MAP3K20: variants seen among roughly 807,000 people sequenced by gnomAD.
MAP3K20 encodes mitogen-activated protein kinase kinase kinase 20, also known as HCCS-4.
MAP3K20 carries 40 observed loss-of-function variants against 85.7 expected under a neutral mutation model. That is an observed-to-expected ratio of 0.47 (90% confidence interval 0.36 to 0.61). The LOEUF (loss-of-function observed/expected upper bound fraction) is 0.61. Ranked by LOEUF, MAP3K20 falls within the 20% of genes least tolerant of loss-of-function variation. The pLI is 0.00. For missense variants in MAP3K20, 817 were observed against 961.7 expected (o/e 0.85, Z 1.99); for synonymous variants, 325 against 327.7 (o/e 0.99, Z 0.09).
intron 17 of MAP3K20, among the ~76,000 whole-genome samples, chr2:173,260,479 T>C (rs1685262890): frequency 6.9e-6 from 1 of 144,824 alleles, no homozygotes; most frequent in South Asian, 2.2e-4. Context: ...GGCAGGAGAG[T>C]ACAGCTTATT....
In MAP3K20 at chr2:173,092,220, A is replaced by T. The variant is rs566171612; in HGVS notation, c.159+1030A>T. 1.3e-4 allele frequency among the ~76,000 whole-genome samples: 20 copies of T among 152,306 alleles called. 1 individual carries two copies. In the South Asian group the frequency reaches 4.1e-3, roughly 32 times the overall value. On this transcript the variant is annotated intron_variant, in intron 2 of 19. Coordinates refer to ENST00000375213, the MANE Select transcript of MAP3K20 (RefSeq NM_016653.3). ...GAAGCCAGGTTAGAAGGACTGAGAG[A>T]TCTCTGCCTTGGGGAATCTATAGGT...
chr2:173,186,937 G>T (rs1341887699), intron 4 of MAP3K20, among the ~76,000 whole-genome samples: 1 of 152,130 alleles, frequency 6.6e-6, no homozygotes, highest in Non-Finnish European at 1.5e-5. Flanking sequence ...CTTGTAAAAG[G>T]AATGAAATAC....
chr2:173,161,810 A>G (rs1216745727), intron 2 of MAP3K20, among the ~76,000 whole-genome samples: 1 of 152,166 alleles, frequency 6.6e-6, no homozygotes, highest in Non-Finnish European at 1.5e-5. Flanking sequence ...AACCTGAATG[A>G]ACGCTGGTTT....
At chr2:173,227,088 TTTTC>T in intron 11 of MAP3K20, 1 of 985,892 alleles carries the variant, frequency 1.0e-6, no homozygotes, top group African/African-American at 1.7e-5. Flanking sequence ...TGATGTGAAC[TTTTC>T]TTTGCTTTCC....
chr2:173,245,217 A>G (rs1299015057), intron 16 of MAP3K20, among the ~76,000 whole-genome samples: 1 of 152,196 alleles, frequency 6.6e-6, no homozygotes, highest in Non-Finnish European at 1.5e-5. Context: ...CAAATAGGTA[A>G]AGGAAAAACC....
At chr2:173,242,261 C>T (rs1684805215) in intron 16 of MAP3K20, among the ~76,000 whole-genome samples, 1 of 151,650 alleles carries the variant, frequency 6.6e-6, no homozygotes, top group Non-Finnish European at 1.5e-5. Context: ...CTGCAACCTC[C>T]GACTCCCTGG....
intron 10 of MAP3K20, among the ~76,000 whole-genome samples, chr2:173,213,378 A>G (rs191685567): frequency 1.3e-5 from 2 of 152,306 alleles, no homozygotes; most frequent in East Asian, 3.9e-4. Context: ...CTGGAGAGAG[A>G]ATATATATCT....
At chr2:173,228,505 C>T (rs747992420) in intron 11 of MAP3K20, among the ~76,000 whole-genome samples, 20 of 152,132 alleles carry the variant, frequency 1.3e-4, no homozygotes, top group Non-Finnish European at 2.1e-4. Flanking sequence ...TACCAGAGAA[C>T]TTAGCATTCC....
chr2:173,260,960 C>T (rs2106356427), intron 17 of MAP3K20, 103 bp from the exon 18 acceptor site: 5 of 886,670 alleles, frequency 5.6e-6, no homozygotes, highest in Non-Finnish European at 9.0e-6. Context: ...GATATTATGC[C>T]CCTATTTGCT....
At chr2:173,191,578 C>G (rs906721000) in intron 7 of MAP3K20, among the ~76,000 whole-genome samples, 1 of 152,174 alleles carries the variant, frequency 6.6e-6, no homozygotes. Flanking sequence ...TATAAAATCA[C>G]CAATAGATCT....
In MAP3K20 at chr2:173,266,799, AAG is replaced by A. The variant is rs1491267855; in HGVS notation, c.*51_*52del. The A allele has an allele frequency of 5.9e-6, 8 of 1,352,940 alleles. No individual in the cohort carries two copies. The South Asian group carries it at 1.5e-4, about 26-fold the overall frequency. 83.8% of individuals were successfully genotyped at this position (1,352,940 alleles called of 1,614,324 possible). On this transcript the variant is annotated 3_prime_UTR_variant, in exon 20 of 20. Coordinates refer to ENST00000375213, the MANE Select transcript of MAP3K20 (RefSeq NM_016653.3). ...TAAGCAGGTTAAAAAAAAAAAAAAA[AAG>A]AAATGTAATGGTTTTTGATAATATG...
At chr2:173,242,996 C>T (rs976274268) in intron 16 of MAP3K20, among the ~76,000 whole-genome samples, 3 of 152,124 alleles carry the variant, frequency 2.0e-5, no homozygotes, top group African/African-American at 4.8e-5. Context: ...TGAGCCACCG[C>T]GCCCAGCCCA....
chr2:173,142,200 G>T (rs773017597), intron 2 of MAP3K20, among the ~76,000 whole-genome samples: 5 of 152,202 alleles, frequency 3.3e-5, no homozygotes, highest in Non-Finnish European at 5.9e-5. Context: ...ATGGCTGGGC[G>T]TAGTGGCTCA....
intron 2 of MAP3K20, among the ~76,000 whole-genome samples, chr2:173,143,058 A>G (rs981817922): frequency 1.3e-5 from 2 of 152,250 alleles, no homozygotes. Context: ...AAAAAAATAA[A>G]ACAAGACCCA....
chr2:173,213,066 T>TTCTC (rs1683960896), intron 10 of MAP3K20, among the ~76,000 whole-genome samples: 1 of 152,146 alleles, frequency 6.6e-6, no homozygotes, highest in African/African-American at 2.4e-5. Flanking sequence ...ATATATATTA[T>TTCTC]TGTGTATATG....
intron 3 of MAP3K20, among the ~76,000 whole-genome samples, chr2:173,178,376 G>A (rs10198981): frequency 0.25 from 37,587 of 152,146 alleles, 4,785 homozygotes; most frequent in Admixed American, 0.29. Flanking sequence ...GGGCGCAGTG[G>A]CTCCAGCCTG....
At chr2:173,097,638 C>T (rs1687502018) in intron 2 of MAP3K20, among the ~76,000 whole-genome samples, 1 of 152,138 alleles carries the variant, frequency 6.6e-6, no homozygotes, top group Admixed American at 6.5e-5. Context: ...AAAGAAAAAG[C>T]ATCCTACCAA....
At chr2:173,097,026 G>A (rs16823274) in intron 2 of MAP3K20, among the ~76,000 whole-genome samples, 4,763 of 152,246 alleles carry the variant, frequency 0.031, 181 homozygotes, top group African/African-American at 0.086. Flanking sequence ...TACAGCTACT[G>A]CCCAGAGGAG....
intron 11 of MAP3K20, among the ~76,000 whole-genome samples, chr2:173,219,994 G>A (rs896182780): frequency 6.7e-6 from 1 of 150,264 alleles, no homozygotes; most frequent in Non-Finnish European, 1.5e-5. Flanking sequence ...CTTGAACCTG[G>A]AAGGCAGAGG....
Sources: gnomAD v4.1 joint callset for allele counts (sites outside exome capture counted in the v4.1 genomes callset) on GRCh38, gnomAD v4.1.1 for gene constraint, MANE v1.5 for transcripts, NCBI Gene and HGNC (gene_info 2026-07-23, HGNC 2026-07-21) for gene names.